Variants in TYW1B observed in about 807,000 individuals in gnomAD.
TYW1B encodes the protein S-adenosyl-L-methionine-dependent tRNA 4-demethylwyosine synthase TYW1B.
A neutral mutation model predicts 86.9 loss-of-function variants in TYW1B; 73 were observed. The ratio of observed to expected loss-of-function variants is 0.84; its 90% confidence interval spans 0.70 to 1.02. TYW1B has a LOEUF of 1.02. Among genes scored for constraint, TYW1B ranks in the 50% least tolerant of loss-of-function variants. The pLI is 0.00. For missense variants in TYW1B, 637 were observed against 827.4 expected, an observed-to-expected ratio of 0.77 and a Z score of 2.82; for synonymous variants, 248 against 292.8, an observed-to-expected ratio of 0.85 and a Z score of 1.56.
Position 72,653,590 on chromosome 7 carries a change from G to C in TYW1B, c.1507-24593C>G, listed in dbSNP as rs538291572. On this transcript the variant is annotated intron_variant, in intron 11 of 13. Coordinates refer to ENST00000620995, the MANE Select transcript of TYW1B (RefSeq NM_001145440.3). ...CCACTGCACTCCAGCCTGGGCGACA[G>C]AGCGAGACTCCGTCTCAAAAAATAA... 1.5e-4 allele frequency among the ~76,000 whole-genome samples: 21 copies of C among 144,602 alleles called. 1 individual carries two copies. The East Asian group carries it at 3.3e-3, about 23-fold the overall frequency. 94.9% of individuals were successfully genotyped at this position (144,602 alleles called of 152,430 possible).
chr7:72,817,501 A>C (rs1221535791), intron 2 of TYW1B, among the ~76,000 whole-genome samples: 2 of 152,172 alleles, frequency 1.3e-5, no homozygotes, highest in Non-Finnish European at 2.9e-5. Context: ...CCCTCCAAAT[A>C]TCATTAACAC....
At chr7:72,763,208 A>T (rs1554467509) in intron 7 of TYW1B, among the ~76,000 whole-genome samples, 2 of 149,182 alleles carry the variant, frequency 1.3e-5, no homozygotes, top group African/African-American at 4.9e-5. Flanking sequence ...TTCCTATGCT[A>T]TCTTTATTAG....
chr7:72,821,163 G>A (rs1788821244), intron 2 of TYW1B, among the ~76,000 whole-genome samples: 2 of 152,094 alleles, frequency 1.3e-5, no homozygotes, highest in Admixed American at 1.3e-4. Flanking sequence ...TAGTACAAAT[G>A]GGGTTTTGCC....
chr7:72,635,583 T>C (rs1203694119), intron 11 of TYW1B, among the ~76,000 whole-genome samples: 1 of 152,192 alleles, frequency 6.6e-6, no homozygotes, highest in Non-Finnish European at 1.5e-5. Context: ...AATCCTACAG[T>C]GGAGCAAGTT....
intron 11 of TYW1B, among the ~76,000 whole-genome samples, chr7:72,634,143 C>T (rs1327421740): frequency 3.3e-5 from 5 of 151,928 alleles, no homozygotes; most frequent in Admixed American, 1.3e-4. Flanking sequence ...GCCATGAGTG[C>T]TACTGTACTC....
chr7:72,592,655 G>A (rs1162844491), intron 13 of TYW1B, among the ~76,000 whole-genome samples: 2 of 152,164 alleles, frequency 1.3e-5, no homozygotes, highest in East Asian at 1.9e-4. Context: ...CAATAGATTC[G>A]CTTTGAACCC....
At position 72,668,355 on chromosome 7, in the gene TYW1B, G is replaced by T. The variant is rs181752413; in HGVS notation, c.1506+26332C>A. Among the ~76,000 whole-genome samples, 94 of 152,306 alleles carry T rather than the reference G, an allele frequency of 6.2e-4. 1 individual carries two copies. The highest frequency in any genetic ancestry group is 3.4e-3 in the Middle Eastern group (1 of 294). The stretch of plus-strand genomic sequence containing the variant: ...AATGCTTTCTCAGCTTCTGTCAAAT[G>T]ATTACTTGAATGTTTTTAGAATCAC... On this transcript the variant is annotated intron_variant, in intron 11 of 13. Coordinates refer to ENST00000620995, the MANE Select transcript of TYW1B (RefSeq NM_001145440.3).
intron 11 of TYW1B, among the ~76,000 whole-genome samples, chr7:72,629,762 G>A (rs1332789199): frequency 2.0e-5 from 3 of 151,918 alleles, no homozygotes; most frequent in African/African-American, 7.3e-5. Context: ...TATTCAGGCT[G>A]GTCTCGAACT....
chr7:72,807,505 C>T, intron 4 of TYW1B, 149 bp from the exon 5 acceptor site: 1 of 986,260 alleles, frequency 1.0e-6, no homozygotes, highest in Non-Finnish European at 1.5e-6. Context: ...GACCTTCAAG[C>T]CTTCAAGCTC....
chr7:72,650,406 A>G (rs1416084322), intron 11 of TYW1B, among the ~76,000 whole-genome samples: 1 of 152,180 alleles, frequency 6.6e-6, no homozygotes, highest in African/African-American at 2.4e-5. Flanking sequence ...TCTGACACAT[A>G]AGAAAGTGAA....
chr7:72,820,348 C>A (rs1312502728), intron 2 of TYW1B, among the ~76,000 whole-genome samples: 1 of 152,080 alleles, frequency 6.6e-6, no homozygotes, highest in African/African-American at 2.4e-5. Flanking sequence ...GAAGGAGAAA[C>A]AAGATCCTTT....
chr7:72,803,140 C>T (rs1205090409), intron 5 of TYW1B, among the ~76,000 whole-genome samples: 2 of 152,004 alleles, frequency 1.3e-5, no homozygotes, highest in East Asian at 1.9e-4. Context: ...AGGAGGCTGA[C>T]GCAGGAGTGT....
At chr7:72,666,248 T>TA (rs1342196955) in intron 11 of TYW1B, among the ~76,000 whole-genome samples, 1 of 151,178 alleles carries the variant, frequency 6.6e-6, no homozygotes, top group Non-Finnish European at 1.5e-5. Context: ...ACTCTGTCTC[T>TA]AAAAAAAATA....
chr7:72,638,970 T>C (rs1347090317), intron 11 of TYW1B, among the ~76,000 whole-genome samples: 3 of 152,320 alleles, frequency 2.0e-5, no homozygotes, highest in African/African-American at 7.2e-5. Flanking sequence ...ATTTGGGATG[T>C]TGCAAATTCT....
intron 13 of TYW1B, among the ~76,000 whole-genome samples, chr7:72,604,579 G>A (rs1207329851): frequency 6.6e-6 from 1 of 152,128 alleles, no homozygotes; most frequent in East Asian, 1.9e-4. Context: ...GCTGTGACCC[G>A]CTGTACTAGG....
intron 11 of TYW1B, among the ~76,000 whole-genome samples, chr7:72,674,167 C>T (rs1813680899): frequency 6.6e-6 from 1 of 152,154 alleles, no homozygotes. Flanking sequence ...AAGGAGGTAG[C>T]TGGCCAGCCC....
intron 9 of TYW1B, among the ~76,000 whole-genome samples, chr7:72,721,857 T>G (rs1205240687): frequency 6.6e-6 from 1 of 152,178 alleles, no homozygotes; most frequent in Non-Finnish European, 1.5e-5. Context: ...ACAAGCGGAC[T>G]TCATCTCATT....
chr7:72,709,307 A>G (rs1388032286), intron 10 of TYW1B, among the ~76,000 whole-genome samples: 1 of 152,200 alleles, frequency 6.6e-6, no homozygotes, highest in Non-Finnish European at 1.5e-5. Context: ...AAAATGCAAC[A>G]CAATTTGCCT....
chr7:72,703,683 T>C (rs1268678763), intron 10 of TYW1B, among the ~76,000 whole-genome samples: 1 of 151,632 alleles, frequency 6.6e-6, no homozygotes, highest in African/African-American at 2.4e-5. Flanking sequence ...GGTGAAACCA[T>C]GTTTCTCTCA....
Sources: gnomAD v4.1 joint callset for allele counts (sites outside exome capture counted in the v4.1 genomes callset) on GRCh38, gnomAD v4.1.1 for gene constraint, MANE v1.5 for transcripts, NCBI Gene and HGNC (gene_info 2026-07-23, HGNC 2026-07-21) for gene names.